Variants in IGSF6 observed in about 807,000 individuals in gnomAD.
IGSF6 encodes the protein immunoglobulin superfamily member 6, also known as down-regulated by activation (immunoglobulin superfamily).
IGSF6 carries 23 observed loss-of-function variants against 24.7 expected under a neutral mutation model. The observed-to-expected ratio is 0.93, with a 90% CI of 0.67 to 1.32. The LOEUF (loss-of-function observed/expected upper bound fraction) is 1.32. Ranked by LOEUF, IGSF6 falls within the 40% of genes most tolerant of loss-of-function variation. IGSF6 has a pLI of 0.00. For synonymous variants in IGSF6, 110 were observed against 113.7 expected, an observed-to-expected ratio of 0.97 and a Z score of 0.21; for missense variants, 295 against 293.6, an observed-to-expected ratio of 1.00 and a Z score of -0.04.
At position 21,643,604 on chromosome 16, in the gene IGSF6, A is replaced by T. The variant is rs770360859; in HGVS notation, c.535-6T>A. Reference sequence around the variant, plus strand: ...CTTAGAGGGTTGGATTTTGACTGCCAAGAAGAGAAGGAAAGTCTATGAAAC... The same window carrying T: ...CTTAGAGGGTTGGATTTTGACTGCCTAGAAGAGAAGGAAAGTCTATGAAAC... On this transcript the variant is annotated splice_polypyrimidine_tract_variant and splice_region_variant and intron_variant, in intron 3 of 5. Transcript: ENST00000268389. 2 of 1,598,288 alleles carry T rather than the reference A, an allele frequency of 1.3e-6. No homozygotes were observed. The highest frequency in any genetic ancestry group is 2.2e-5 in the South Asian group (2 of 89,796).
In IGSF6 at chr16:21,641,557, G is replaced by T; in HGVS notation, c.703C>A (p.Leu235Ile). The T allele has an allele frequency of 6.3e-7, 1 of 1,590,826 alleles. No individual in the cohort carries two copies. The highest frequency in any genetic ancestry group is 8.6e-7 in the Non-Finnish European group (1 of 1,161,918). The change falls in exon 6 of 6, where the codon CTT becomes ATT. Residue 235 changes from leucine (L) to isoleucine (I), a missense_variant. By Grantham distance (5) the Leu-to-Ile change is conservative. Transcript: ENST00000268389. Reference sequence around the variant, plus strand: ...TTCTATGGCCTTTCATAGTTGGAAAGTACTCTTCTGTTTTCATAAGTGTTG... The same window carrying T: ...TTCTATGGCCTTTCATAGTTGGAAATTACTCTTCTGTTTTCATAAGTGTTG... Reference protein sequence around the residue: ...DNNTYENRRVLSNYERP With the variant: ...DNNTYENRRVISNYERP
chr16:21,649,888 T>C (rs1031177336), intron 1 of IGSF6, among the ~76,000 whole-genome samples: 4 of 152,058 alleles, frequency 2.6e-5, no homozygotes, highest in Non-Finnish European at 5.9e-5. Flanking sequence ...TTTTTATTTT[T>C]AGTAGAGACA....
At chr16:21,642,762 C>G (rs1050138987) in intron 5 of IGSF6, among the ~76,000 whole-genome samples, 1 of 152,148 alleles carries the variant, frequency 6.6e-6, no homozygotes, top group African/African-American at 2.4e-5. Flanking sequence ...ATGCAGGATA[C>G]TGTACAGAGT....
chr16:21,647,101 T>C (rs1224442999), intron 2 of IGSF6, 32 bp downstream of exon 2: 1 of 1,613,948 alleles, frequency 6.2e-7, no homozygotes, highest in Non-Finnish European at 8.5e-7. Context: ...CAAGATGCAA[T>C]GATGCACTGA....
intron 3 of IGSF6, among the ~76,000 whole-genome samples, chr16:21,643,973 C>T (rs934488563): frequency 2.6e-5 from 4 of 152,124 alleles, no homozygotes; most frequent in East Asian, 1.9e-4. Context: ...AGTAATATCT[C>T]GCCCTCCACC....
chr16:21,648,833 A>G (rs1177459032), intron 1 of IGSF6, among the ~76,000 whole-genome samples: 1 of 152,228 alleles, frequency 6.6e-6, no homozygotes, highest in Non-Finnish European at 1.5e-5. Context: ...AATGAAACTG[A>G]AAAGTCATCC....
chr16:21,645,498 G>C (rs1444291803), intron 2 of IGSF6, among the ~76,000 whole-genome samples: 1 of 152,070 alleles, frequency 6.6e-6, no homozygotes. Flanking sequence ...CTTATCCTGT[G>C]AATGCAGTTT....
intron 1 of IGSF6, among the ~76,000 whole-genome samples, chr16:21,650,935 A>G (rs574139224): frequency 2.2e-4 from 34 of 152,308 alleles, no homozygotes; most frequent in Middle Eastern, 3.4e-3. Context: ...TTAAAAAACC[A>G]TATTGAGGCT....
In IGSF6 at chr16:21,641,441, T is replaced by A; in HGVS notation, c.*93A>T. ...CAGTTGTCTTTTCAGTTTACCTTTA[T>A]TTTTTTTTAAGACCTGATGATATAT... On this transcript the variant is annotated 3_prime_UTR_variant, in exon 6 of 6. Coordinates refer to ENST00000268389, the MANE Select transcript of IGSF6 (RefSeq NM_005849.4). The A allele has an allele frequency of 1.8e-6, 1 of 557,560 alleles. No individual in the cohort carries two copies. The highest frequency in any genetic ancestry group is 3.2e-5 in the South Asian group (1 of 31,182). 34.5% of individuals were successfully genotyped at this position (557,560 alleles called of 1,614,324 possible).
At chr16:21,649,926 C>T (rs774381401) in intron 1 of IGSF6, among the ~76,000 whole-genome samples, 4 of 152,120 alleles carry the variant, frequency 2.6e-5, no homozygotes, top group Non-Finnish European at 5.9e-5. Context: ...CCAGCCTGGT[C>T]TTAAACTCCT....
Position 21,643,604 on chromosome 16 carries a change from A to G in IGSF6, c.535-6T>C. ...CTTAGAGGGTTGGATTTTGACTGCC[A>G]AGAAGAGAAGGAAAGTCTATGAAAC... is the stretch of plus-strand genomic sequence containing the variant. On this transcript the variant is annotated splice_polypyrimidine_tract_variant and splice_region_variant and intron_variant, in intron 3 of 5. Transcript: ENST00000268389. 1 of 1,598,288 alleles carries G rather than the reference A, an allele frequency of 6.3e-7. No individual in the cohort carries two copies. Among genetic ancestry groups the G allele is most frequent in the Non-Finnish European group, 8.6e-7 (1 of 1,168,068 alleles).
At chr16:21,651,386 C>G (rs1415095035) in intron 1 of IGSF6, among the ~76,000 whole-genome samples, 1 of 152,138 alleles carries the variant, frequency 6.6e-6, no homozygotes, top group Non-Finnish European at 1.5e-5. Flanking sequence ...CCTGAAAGTC[C>G]TGGGCTCAAG....
Position 21,645,377 on chromosome 16 carries a change from C to T in IGSF6, c.428-981G>A, listed in dbSNP as rs532477098. 5.3e-5 allele frequency among the ~76,000 whole-genome samples: 8 copies of T among 152,174 alleles called. No individual in the cohort carries two copies. In the South Asian group the frequency reaches 1.7e-3, roughly 32 times the overall value. On this transcript the variant is annotated intron_variant, in intron 2 of 5. Coordinates refer to ENST00000268389, the MANE Select transcript of IGSF6 (RefSeq NM_005849.4). ...TTGAGGCAGGAGAATCGCTTGAACC[C>T]GGAAGGTGGAGGTTGGTTGCAGTGA...
intron 1 of IGSF6, among the ~76,000 whole-genome samples, chr16:21,650,981 T>C (rs562973356): frequency 1.3e-5 from 2 of 152,326 alleles, no homozygotes; most frequent in South Asian, 2.1e-4. Context: ...CCCAGCATTA[T>C]GGGAGGCCGA....
intron 3 of IGSF6, among the ~76,000 whole-genome samples, chr16:21,643,856 C>CT (rs993670207): frequency 6.6e-6 from 1 of 152,096 alleles, no homozygotes. Context: ...AAAAGGTATT[C>CT]TTTTTTAATA....
intron 2 of IGSF6, chr16:21,646,660 C>A: frequency 4.3e-6 from 1 of 232,968 alleles, no homozygotes; most frequent in Non-Finnish European, 8.7e-6. Context: ...TGGAGTAGTT[C>A]TTTTGTTTTT....
In IGSF6 at chr16:21,652,588, G is replaced by C; in HGVS notation, c.11C>G (p.Ala4Gly). The C allele has an allele frequency of 6.2e-7, 1 of 1,609,942 alleles. No individual in the cohort carries two copies. Among genetic ancestry groups the C allele is most frequent in the Non-Finnish European group, 8.5e-7 (1 of 1,177,964 alleles). The change falls in exon 1 of 6, where the codon GCG becomes GGG. Residue 4 changes from alanine (A) to glycine (G), a missense_variant. By Grantham distance (60) the Ala-to-Gly change is moderately conservative (BLOSUM62 0). Coordinates refer to ENST00000268389, the MANE Select transcript of IGSF6 (RefSeq NM_005849.4). MGT[A>G]SRSNIARHLQ... ...ATGGCGAGCGATGTTGCTTCTGCTC[G>C]CAGTCCCCATTTCTGTGTATGCCGG...
intron 1 of IGSF6, 151 bp downstream of exon 1, chr16:21,652,381 C>T: frequency 1.9e-6 from 1 of 523,360 alleles, no homozygotes; most frequent in Non-Finnish European, 3.3e-6. Flanking sequence ...GTCTATTTCT[C>T]AGGGGAAAAA....
In IGSF6 at chr16:21,640,779, A is replaced by AC. The variant is rs2141608816; in HGVS notation, c.*754_*755insG. 1 of 150,944 alleles carries AC rather than the reference A, an allele frequency of 6.6e-6. No individual in the cohort carries two copies. The highest frequency in any genetic ancestry group is 2.0e-4 in the East Asian group (1 of 5,068). 9.4% of individuals were successfully genotyped at this position (150,944 alleles called of 1,614,324 possible). On this transcript the variant is annotated 3_prime_UTR_variant, in exon 6 of 6. Transcript: ENST00000268389. The stretch of plus-strand genomic sequence containing the variant: ...GAGACTCTGTCTCAAAAAAAAAAAA[A>AC]AAAGAAAAGAAAAAAAATCAGTATT...
Sources: allele counts gnomAD v4.1 joint callset (sites outside exome capture counted in the v4.1 genomes callset), GRCh38; gene constraint gnomAD v4.1.1; transcripts MANE v1.5; gene names NCBI Gene and HGNC (gene_info 2026-07-23, HGNC 2026-07-21).